The following OR56A3 variants were observed in gnomAD, a reference collection of about 807,000 sequenced individuals.
The protein encoded by OR56A3 is olfactory receptor family 56 subfamily A member 3.
A neutral mutation model predicts 17.5 loss-of-function variants in OR56A3; 23 were observed. The ratio of observed to expected loss-of-function variants is 1.32; its 90% confidence interval spans 0.95 to 1.87. OR56A3 has a LOEUF of 1.87. Among genes scored for constraint, OR56A3 ranks in the 40% most tolerant of loss-of-function variants. The pLI is 0.00. For synonymous variants in OR56A3, 175 were observed against 150.6 expected (o/e 1.16, Z -1.19); for missense variants, 366 against 380.1 (o/e 0.96, Z 0.31).
chr11:5,996,606 A>G, the OR56A3 span, among the ~76,000 whole-genome samples: 1 of 152,244 alleles, frequency 6.6e-6, no homozygotes, highest in East Asian at 1.9e-4. Flanking sequence ...TCTTTCACAT[A>G]AGATGTATTT....
At chr11:5,976,540 TGTA>T in the OR56A3 span, among the ~76,000 whole-genome samples, 2 of 152,210 alleles carry the variant, frequency 1.3e-5, no homozygotes, top group Non-Finnish European at 1.5e-5. Flanking sequence ...TAGTATAATC[TGTA>T]GTAGTAACAC....
At chr11:5,967,643 G>A in the OR56A3 span, 2 of 1,613,958 alleles carry the variant, frequency 1.2e-6, no homozygotes, top group South Asian at 1.1e-5. Context: ...GGGGAATAAG[G>A]TGGTGCAGGA....
At chr11:5,973,236 C>A in the OR56A3 span, among the ~76,000 whole-genome samples, 1 of 152,098 alleles carries the variant, frequency 6.6e-6, no homozygotes, top group African/African-American at 2.4e-5. Flanking sequence ...ATGGTCCCTG[C>A]TCTCATCAAA....
At chr11:6,006,169 C>T in the OR56A3 span, 6 of 152,154 alleles carry the variant, frequency 3.9e-5, no homozygotes, top group Non-Finnish European at 8.8e-5. Flanking sequence ...TACAGGAAGA[C>T]ATATGTTCTT....
the OR56A3 span, among the ~76,000 whole-genome samples, chr11:5,975,330 T>C: frequency 5.9e-5 from 9 of 151,304 alleles, no homozygotes; most frequent in African/African-American, 2.2e-4. Flanking sequence ...TAGCATTAGG[T>C]ATATCTCCTA....
the OR56A3 span, among the ~76,000 whole-genome samples, chr11:5,963,672 T>C: frequency 6.6e-6 from 1 of 152,228 alleles, no homozygotes; most frequent in South Asian, 2.1e-4. Flanking sequence ...TGTCTTGGAG[T>C]AGTCTTAGGT....
chr11:5,979,056 A>G, the OR56A3 span, among the ~76,000 whole-genome samples: 3 of 151,098 alleles, frequency 2.0e-5, no homozygotes, highest in African/African-American at 7.3e-5. Flanking sequence ...CATCACAGAA[A>G]TAAACCCTAT....
chr11:5,982,535 G>A, the OR56A3 span, among the ~76,000 whole-genome samples: 11 of 152,094 alleles, frequency 7.2e-5, no homozygotes, highest in Non-Finnish European at 1.3e-4. Context: ...CCCAGAAAGA[G>A]GCTGGCAGAC....
At chr11:5,962,749 A>C in the OR56A3 span, among the ~76,000 whole-genome samples, 3 of 152,088 alleles carry the variant, frequency 2.0e-5, no homozygotes, top group East Asian at 5.8e-4. Context: ...CTTGTTAGCC[A>C]GGATGGTCTC....
At chr11:6,015,779 C>A in the OR56A3 span, among the ~76,000 whole-genome samples, 1 of 152,178 alleles carries the variant, frequency 6.6e-6, no homozygotes, top group African/African-American at 2.4e-5. Flanking sequence ...CCTGTACCCC[C>A]GTTGTATGAT....
the OR56A3 span, among the ~76,000 whole-genome samples, chr11:5,988,123 G>A: frequency 6.6e-6 from 1 of 152,142 alleles, no homozygotes; most frequent in Non-Finnish European, 1.5e-5. Flanking sequence ...TGCCTTTTGT[G>A]TAGTCTGTCT....
the OR56A3 span, among the ~76,000 whole-genome samples, chr11:5,974,354 C>T: frequency 6.6e-6 from 1 of 152,140 alleles, no homozygotes; most frequent in African/African-American, 2.4e-5. Context: ...ATCCGCCCGC[C>T]TCGGCCTCTC....
At chr11:5,996,335 A>G in the OR56A3 span, among the ~76,000 whole-genome samples, 128 of 152,310 alleles carry the variant, frequency 8.4e-4, 1 homozygote, top group Admixed American at 4.9e-3. Flanking sequence ...TTCAGATTTC[A>G]TAATGGGAAG....
the OR56A3 span, among the ~76,000 whole-genome samples, chr11:5,959,635 A>G: frequency 9.2e-5 from 14 of 152,190 alleles, no homozygotes; most frequent in Admixed American, 2.6e-4. Context: ...TCTTCACTCT[A>G]TTGATTGCTT....
chr11:5,968,514 G>A, the OR56A3 span: 2 of 1,507,580 alleles, frequency 1.3e-6, no homozygotes, highest in South Asian at 2.4e-5. Flanking sequence ...CCTCAGCTGA[G>A]AAAATTTCAC....
the OR56A3 span, chr11:5,994,187 C>G: frequency 5.8e-6 from 3 of 519,352 alleles, no homozygotes; most frequent in African/African-American, 5.7e-5. Flanking sequence ...TAGCAGGCCT[C>G]CACCTCCCTC....
At chr11:5,982,648 G>A in the OR56A3 span, among the ~76,000 whole-genome samples, 1 of 152,156 alleles carries the variant, frequency 6.6e-6, no homozygotes, top group Non-Finnish European at 1.5e-5. Context: ...GAGGAGCATG[G>A]CAAGCCTTGG....
At chr11:5,986,607 G>T in the OR56A3 span, 5 of 1,613,856 alleles carry the variant, frequency 3.1e-6, no homozygotes, top group Non-Finnish European at 8.5e-7. Flanking sequence ...ACCCAATCTC[G>T]TGGGCATGAA....
At chr11:6,013,757 A>C in the OR56A3 span, among the ~76,000 whole-genome samples, 1 of 152,110 alleles carries the variant, frequency 6.6e-6, no homozygotes, top group Admixed American at 6.5e-5. Flanking sequence ...GCTTGTGCCC[A>C]TGTGCACCAT....
Sources: allele counts gnomAD v4.1 joint callset (sites outside exome capture counted in the v4.1 genomes callset), GRCh38; gene constraint gnomAD v4.1.1; transcripts MANE v1.5; gene names NCBI Gene and HGNC (gene_info 2026-07-23, HGNC 2026-07-21).